UGT3A1: variants seen among roughly 807,000 people sequenced by gnomAD.
UGT3A1 encodes the protein UDP glycosyltransferase family 3 member A1.
A neutral mutation model predicts 37.6 loss-of-function variants in UGT3A1; 40 were observed. The ratio of observed to expected loss-of-function variants is 1.06; its 90% CI spans 0.83 to 1.38. The LOEUF is 1.38. UGT3A1 is among the 40% of genes most tolerant of loss of function. The probability of loss-of-function intolerance (pLI) is 0.00; values close to 1 mark genes in which losing one functional copy is unlikely to be tolerated. For synonymous variants in UGT3A1, 256 were observed against 232.3 expected (o/e 1.10, Z -0.93); for missense variants, 642 against 634.2 (o/e 1.01, Z -0.13).
chr5:35,994,333 T>TTGTGTGTGTGTGTG (rs35026618), upstream of UGT3A1, among the ~76,000 whole-genome samples: 104 of 138,638 alleles, frequency 7.5e-4, 1 homozygote, highest in Non-Finnish European at 9.6e-4. Context: ...TTTGTTTTGT[T>TTGTGTGTGTGTGTG]TGTGTGTGTG....
At chr5:35,963,849 C>T (rs1169337767) in intron 4 of UGT3A1, among the ~76,000 whole-genome samples, 1 of 152,166 alleles carries the variant, frequency 6.6e-6, no homozygotes, top group Non-Finnish European at 1.5e-5. Context: ...CTGTGCACTG[C>T]TCATGCCTGT....
intron 2 of UGT3A1, among the ~76,000 whole-genome samples, chr5:35,985,774 A>T (rs1411804521): frequency 6.6e-6 from 1 of 152,212 alleles, no homozygotes; most frequent in Non-Finnish European, 1.5e-5. Flanking sequence ...ACATTGAGGA[A>T]CTATTCCAAG....
At chr5:35,978,667 AGCC>A (rs1175444781) in intron 2 of UGT3A1, among the ~76,000 whole-genome samples, 1 of 152,162 alleles carries the variant, frequency 6.6e-6, no homozygotes, top group African/African-American at 2.4e-5. Context: ...GTGGGGACAC[AGCC>A]AACCCATATC....
Position 35,965,495 on chromosome 5 carries a change from T to G in UGT3A1, c.734A>C (p.Glu245Ala), listed in dbSNP as rs747973774. The change falls in exon 4 of 7, where the codon GAG (glutamate) becomes GCG (alanine). Residue 245 changes from glutamate (E) to alanine (A), a missense_variant. Physicochemically the swap from Glu to Ala is moderately radical, Grantham distance 107. Transcript: ENST00000274278. ...PVLSHLLLKA[E>A]LWFVNSDFAF... ...AAAATCAGAGTTAACAAACCACAACTCTGCTTTCAGTAGAAGATGAGACAA... is the reference window on the plus strand; with the variant it reads ...AAAATCAGAGTTAACAAACCACAACGCTGCTTTCAGTAGAAGATGAGACAA... 1.2e-6 allele frequency: 2 copies of G among 1,614,192 alleles called. No individual in the cohort carries two copies. The highest frequency in any genetic ancestry group is 1.7e-5 in the Admixed American group (1 of 60,028).
At position 35,984,555 on chromosome 5, in the gene UGT3A1, C is replaced by T. The variant is rs368915962; in HGVS notation, c.196+3895G>A. Among the ~76,000 whole-genome samples the T allele has an allele frequency of 5.3e-3, 795 of 150,374 alleles. 5 individuals are homozygous for T. Among genetic ancestry groups the T allele is most frequent in the African/African-American group, 0.019 (757 of 40,846 alleles). ...TGGGGCAAACTCGGCTCACTACAAC[C>T]TCTGCCTCCCAAGTTCAAGTACTTA... On this transcript the variant is annotated intron_variant, in intron 2 of 6. Coordinates refer to ENST00000274278, the MANE Select transcript of UGT3A1 (RefSeq NM_152404.4).
rs1223372676 is a variant in UGT3A1, at chr5:35,954,209, T to G, written c.1565A>C (p.Lys522Thr). The G allele has an allele frequency of 3.1e-6, 5 of 1,613,816 alleles. No individual in the cohort carries two copies. The highest frequency in any genetic ancestry group is 2.7e-5 in the African/African-American group (2 of 74,916). ...RWLRGARKVK[K>T]T ...CCAAGGCTACACCTAGCCTCATGTC[T>G]TCTTCACCTTCCTGGCCCCACGCAG... The change falls in exon 7 of 7, where the codon AAG becomes ACG. Residue 522 changes from lysine to threonine, a missense_variant. Transcript: ENST00000274278.
chr5:35,990,975 G>A (rs1053413999), intron 1 of UGT3A1, 172 bp downstream of exon 1: 5 of 1,533,482 alleles, frequency 3.3e-6, no homozygotes, highest in Admixed American at 2.1e-5. Context: ...CTCAGCAATA[G>A]AGGCCCCTCT....
intron 2 of UGT3A1, among the ~76,000 whole-genome samples, chr5:35,996,765 A>C (rs1340283446): frequency 6.6e-6 from 1 of 152,214 alleles, no homozygotes; most frequent in Non-Finnish European, 1.5e-5. Flanking sequence ...TGACAAGGAA[A>C]GTGAAGTGGA....
Position 35,953,974 on chromosome 5 carries a change from A to T in UGT3A1, c.*228T>A, listed in dbSNP as rs977296116. ...GGAGAAAGGAGGAGGCAGGGCTGGC[A>T]GGTGAAAATTTGTATCTGAGCTGGG... On this transcript the variant is annotated 3_prime_UTR_variant, in exon 7 of 7. Coordinates refer to ENST00000274278, the MANE Select transcript of UGT3A1 (RefSeq NM_152404.4). 4.9e-5 allele frequency: 25 copies of T among 510,994 alleles called. No individual in the cohort carries two copies. The highest frequency in any genetic ancestry group is 4.2e-4 in the African/African-American group (22 of 52,612). 31.7% of individuals were successfully genotyped at this position (510,994 alleles called of 1,614,324 possible). A position where few individuals can be genotyped will look rare whatever the true frequency, so the allele number is the denominator to read the frequency against.
chr5:35,972,284 C>A (rs984619670), intron 2 of UGT3A1, among the ~76,000 whole-genome samples: 2 of 151,820 alleles, frequency 1.3e-5, no homozygotes, highest in African/African-American at 4.8e-5. Context: ...GATAGATTAC[C>A]CTCAGTAATG....
upstream of UGT3A1, among the ~76,000 whole-genome samples, chr5:35,995,856 G>A (rs1310757374): frequency 1.3e-5 from 2 of 152,142 alleles, no homozygotes; most frequent in African/African-American, 4.8e-5. Context: ...CAGGATGTCA[G>A]TTGATTGCTT....
intron 1 of UGT3A1, 58 bp from the exon 2 acceptor site, chr5:35,988,609 A>G: frequency 7.5e-7 from 1 of 1,339,338 alleles, no homozygotes; most frequent in South Asian, 1.2e-5. Flanking sequence ...TGATGACAAT[A>G]TGGGAGTAGG....
At chr5:35,988,392 T>C (rs895682236) in intron 2 of UGT3A1, 58 bp downstream of exon 2, 1 of 1,282,410 alleles carries the variant, frequency 7.8e-7, no homozygotes, top group African/African-American at 1.5e-5. Flanking sequence ...ATAAAAAATA[T>C]ATTATCACTT....
At chr5:35,993,910 C>A (rs10941271), upstream of UGT3A1, among the ~76,000 whole-genome samples, 14 of 7,712 alleles carry the variant, frequency 1.8e-3, no homozygotes, top group African/African-American at 5.3e-3. Context: ...TGTTATTAAA[C>A]AAACAAACAA....
At position 35,952,704 on chromosome 5, in the gene UGT3A1, T is replaced by C; in HGVS notation, c.*1498A>G. 1 of 151,984 alleles carries C rather than the reference T, an allele frequency of 6.6e-6. No individual in the cohort carries two copies. The highest frequency in any genetic ancestry group is 1.9e-4 in the East Asian group (1 of 5,180). 9.4% of individuals were successfully genotyped at this position (151,984 alleles called of 1,614,324 possible). ...CATCCATGTCTGCCCTTCATGGGAG[T>C]ATGGCCATCAATCAATTCATGTGGT... On this transcript the variant is annotated 3_prime_UTR_variant, in exon 7 of 7. Transcript: ENST00000274278.
At chr5:35,986,942 T>C (rs374464135) in intron 2 of UGT3A1, among the ~76,000 whole-genome samples, 21 of 152,266 alleles carry the variant, frequency 1.4e-4, no homozygotes, top group African/African-American at 4.3e-4. Flanking sequence ...CCTGAAAATA[T>C]GTACATCTAT....
chr5:35,973,488 T>G (rs1478572786), intron 2 of UGT3A1, among the ~76,000 whole-genome samples: 1 of 152,138 alleles, frequency 6.6e-6, no homozygotes, highest in Non-Finnish European at 1.5e-5. Context: ...TTTGGTTAAT[T>G]GAATTAAACA....
At chr5:35,995,199 A>G (rs958836471), upstream of UGT3A1, among the ~76,000 whole-genome samples, 1 of 152,030 alleles carries the variant, frequency 6.6e-6, no homozygotes, top group Non-Finnish European at 1.5e-5. Context: ...ACCTCTCTGA[A>G]CTTCCCAGGT....
intron 2 of UGT3A1, among the ~76,000 whole-genome samples, chr5:35,970,111 C>T (rs1739975502): frequency 6.6e-6 from 1 of 152,064 alleles, no homozygotes; most frequent in African/African-American, 2.4e-5. Flanking sequence ...CATTTCTTGG[C>T]CGGGCACTGT....
Sources: gnomAD v4.1 joint callset for allele counts (sites outside exome capture counted in the v4.1 genomes callset) on GRCh38, gnomAD v4.1.1 for gene constraint, MANE v1.5 for transcripts, NCBI Gene and HGNC (gene_info 2026-07-23, HGNC 2026-07-21) for gene names.